Variants in ADGRL3 observed in about 807,000 individuals in gnomAD.
ADGRL3 encodes calcium-independent alpha-latrotoxin receptor 3.
A neutral mutation model predicts 153.5 loss-of-function variants in ADGRL3; 62 were observed. That is an observed-to-expected ratio of 0.40 (90% CI 0.33 to 0.50). The LOEUF is 0.50. Among genes scored for constraint, ADGRL3 ranks in the 20% least tolerant of loss-of-function variants. ADGRL3 has a pLI of 0.47. For synonymous variants in ADGRL3, 710 were observed against 672.5 expected, an observed-to-expected ratio of 1.06 and a Z score of -0.86; for missense variants, 1,641 against 1,859.4, an observed-to-expected ratio of 0.88 and a Z score of 2.16.
Position 62,075,062 on chromosome 4 carries a change from ATAGTT to A in ADGRL3, c.*4157_*4161del, listed in dbSNP as rs1469792568. The stretch of plus-strand genomic sequence containing the variant: ...GTAAAGATCAAAAGGGAGAGGAAAA[ATAGTT>A]TACAAGTTTTCTAAAGATCAACTCC... On this transcript the variant is annotated 3_prime_UTR_variant, in exon 27 of 27. Coordinates refer to ENST00000683033, the MANE Select transcript of ADGRL3 (RefSeq NM_001387552.1). The A allele has an allele frequency of 6.6e-6, 1 of 152,034 alleles. No homozygotes were observed. The highest frequency in any genetic ancestry group is 1.5e-5 in the Non-Finnish European group (1 of 67,966). The allele number at this position is 152,034 out of a possible 1,614,324, so 9.4% of individuals were successfully genotyped here. A position where few individuals can be genotyped will look rare whatever the true frequency, so the allele number is the denominator to read the frequency against.
At chr4:61,520,698 C>CTGTA (rs2098525577) in intron 4 of ADGRL3, among the ~76,000 whole-genome samples, 1 of 44,738 alleles carries the variant, frequency 2.2e-5, no homozygotes, top group Non-Finnish European at 5.3e-5. Context: ...GTCTGTCTGT[C>CTGTA]TGTCTGAGGG....
intron 2 of ADGRL3, among the ~76,000 whole-genome samples, chr4:61,437,243 A>G (rs1303874652): frequency 6.6e-6 from 1 of 151,930 alleles, no homozygotes; most frequent in Non-Finnish European, 1.5e-5. Context: ...AAAGTTGATT[A>G]AACTCCTATA....
intron 26 of ADGRL3, 112 bp from the exon 27 acceptor site, chr4:62,069,997 C>A: frequency 1.2e-6 from 1 of 844,200 alleles, no homozygotes; most frequent in Non-Finnish European, 1.9e-6. Context: ...TAAGTAAATG[C>A]TAGCAATTTA....
intron 8 of ADGRL3, among the ~76,000 whole-genome samples, chr4:61,751,720 T>G (rs2096759566): frequency 6.6e-6 from 1 of 152,174 alleles, no homozygotes; most frequent in Non-Finnish European, 1.5e-5. Flanking sequence ...TGAATATGTA[T>G]TAGATTTAAC....
intron 2 of ADGRL3, among the ~76,000 whole-genome samples, chr4:61,466,736 C>T (rs923042091): frequency 4.6e-5 from 7 of 152,082 alleles, no homozygotes; most frequent in Admixed American, 1.3e-4. Context: ...GCTGATTAAA[C>T]CAATAATACT....
At chr4:61,832,431 G>A (rs1452736956) in intron 9 of ADGRL3, among the ~76,000 whole-genome samples, 2 of 152,156 alleles carry the variant, frequency 1.3e-5, no homozygotes, top group Admixed American at 6.5e-5. Flanking sequence ...CTAGGGAGGG[G>A]AGTCTTAATA....
intron 2 of ADGRL3, among the ~76,000 whole-genome samples, chr4:61,480,148 CT>C (rs2098116629): frequency 6.6e-6 from 1 of 152,102 alleles, no homozygotes; most frequent in South Asian, 2.1e-4. Flanking sequence ...ATAACTGAAA[CT>C]TTATACCCTT....
In ADGRL3 at chr4:61,890,895, A is replaced by C. The variant is rs920745276; in HGVS notation, c.1481-1761A>C. 2.6e-5 allele frequency among the ~76,000 whole-genome samples: 4 copies of C among 152,094 alleles called. 1 individual carries two copies. The highest frequency in any genetic ancestry group is 9.6e-5 in the African/African-American group (4 of 41,482). On this transcript the variant is annotated intron_variant, in intron 9 of 26. Transcript: ENST00000683033. Reference sequence around the variant, plus strand: ...AAAAATTTAGTTTTTAAGTTACTCAATTTTCTTTATTGTAGGTAATGTTTT... The same window carrying C: ...AAAAATTTAGTTTTTAAGTTACTCACTTTTCTTTATTGTAGGTAATGTTTT...
intron 6 of ADGRL3, among the ~76,000 whole-genome samples, chr4:61,715,913 A>T: frequency 6.7e-6 from 1 of 150,322 alleles, no homozygotes; most frequent in African/African-American, 2.4e-5. Context: ...ACAGGAAAGG[A>T]ATTGGAAAAG....
At chr4:61,218,479 TTTTTTTA>T (rs926576167) in intron 1 of ADGRL3, among the ~76,000 whole-genome samples, 35 of 152,156 alleles carry the variant, frequency 2.3e-4, no homozygotes, top group East Asian at 7.7e-4. Flanking sequence ...CCAGCTACTT[TTTTTTTA>T]TTTTTTATTT....
At chr4:62,003,603 G>T (rs2099147929) in intron 21 of ADGRL3, among the ~76,000 whole-genome samples, 1 of 152,070 alleles carries the variant, frequency 6.6e-6, no homozygotes, top group East Asian at 1.9e-4. Flanking sequence ...ATAATTTGTT[G>T]CCCGTAGAGG....
intron 8 of ADGRL3, among the ~76,000 whole-genome samples, chr4:61,785,458 G>A (rs1358806085): frequency 6.6e-6 from 1 of 152,050 alleles, no homozygotes. Context: ...TCAAAATATT[G>A]TTACCTACCT....
intron 6 of ADGRL3, among the ~76,000 whole-genome samples, chr4:61,700,398 T>A (rs916189812): frequency 3.9e-5 from 6 of 152,152 alleles, no homozygotes; most frequent in Admixed American, 6.5e-5. Context: ...GATTGAAGAG[T>A]ATTACTTGTC....
intron 4 of ADGRL3, among the ~76,000 whole-genome samples, chr4:61,539,997 TG>T (rs2098680611): frequency 6.6e-6 from 1 of 152,186 alleles, no homozygotes; most frequent in Admixed American, 6.5e-5. Flanking sequence ...TCTTAAGAAC[TG>T]GCATTTGAAC....
intron 3 of ADGRL3, among the ~76,000 whole-genome samples, chr4:61,500,137 T>C (rs1382631552): frequency 6.6e-6 from 1 of 151,814 alleles, no homozygotes; most frequent in Non-Finnish European, 1.5e-5. Flanking sequence ...AAGACTAACC[T>C]GGTAGGTAAA....
At chr4:61,428,718 TTAAA>T (rs2097311648) in intron 2 of ADGRL3, among the ~76,000 whole-genome samples, 1 of 152,190 alleles carries the variant, frequency 6.6e-6, no homozygotes, top group African/African-American at 2.4e-5. Context: ...ATCATGAGTA[TTAAA>T]TGAATTAATA....
chr4:61,767,806 C>A (rs1008859220), intron 8 of ADGRL3, among the ~76,000 whole-genome samples: 1 of 152,032 alleles, frequency 6.6e-6, no homozygotes, highest in African/African-American at 2.4e-5. Context: ...ACAGTTCAGG[C>A]GTTTGGAAGT....
chr4:61,403,167 T>G (rs2096952052), intron 2 of ADGRL3, among the ~76,000 whole-genome samples: 1 of 152,088 alleles, frequency 6.6e-6, no homozygotes, highest in African/African-American at 2.4e-5. Flanking sequence ...ATATTTGGTC[T>G]GTATTCCAGT....
At chr4:61,679,206 T>A (rs1001761762) in intron 6 of ADGRL3, among the ~76,000 whole-genome samples, 3 of 151,892 alleles carry the variant, frequency 2.0e-5, no homozygotes, top group Admixed American at 1.3e-4. Context: ...TAAAGGGAGC[T>A]CCTAGACTCT....
Sources: allele counts gnomAD v4.1 joint callset (sites outside exome capture counted in the v4.1 genomes callset), GRCh38; gene constraint gnomAD v4.1.1; transcripts MANE v1.5; gene names NCBI Gene and HGNC (gene_info 2026-07-23, HGNC 2026-07-21).